NELL1: variants seen among roughly 807,000 people sequenced by gnomAD.
NELL1 encodes protein kinase C-binding protein NELL1.
NELL1 carries 76 observed loss-of-function variants against 107.4 expected under a neutral mutation model. The ratio of observed to expected loss-of-function variants is 0.71; its 90% CI spans 0.59 to 0.86. The LOEUF (loss-of-function observed/expected upper bound fraction) is 0.86, where lower values mean the gene tolerates loss of function less well. Ranked by LOEUF, NELL1 falls within the 40% of genes least tolerant of loss-of-function variation. The pLI is 0.00. For missense variants in NELL1, 1,024 were observed against 1,005.5 expected, an observed-to-expected ratio of 1.02 and a Z score of -0.25; for synonymous variants, 353 against 341.2, an observed-to-expected ratio of 1.03 and a Z score of -0.38.
At chr11:21,491,521 T>C (rs1854812165) in intron 15 of NELL1, among the ~76,000 whole-genome samples, 1 of 152,150 alleles carries the variant, frequency 6.6e-6, no homozygotes, top group African/African-American at 2.4e-5. Flanking sequence ...TAAGCGGCGC[T>C]ATTTCTGAGG....
At chr11:21,307,268 T>G (rs1326382110) in intron 14 of NELL1, among the ~76,000 whole-genome samples, 3 of 151,982 alleles carry the variant, frequency 2.0e-5, no homozygotes, top group Non-Finnish European at 4.4e-5. Context: ...TATATCTGAT[T>G]TACTGTAGAT....
At position 20,759,536 on chromosome 11, in the gene NELL1, C is replaced by T. The variant is rs568219699; in HGVS notation, c.185-24144C>T. ...CAAGCATAACCTCTCGTGTTTTGTG[C>T]GTCATCTCAGGAATCTAAGTCTTTC... is the stretch of plus-strand genomic sequence containing the variant. On this transcript the variant is annotated intron_variant, in intron 2 of 19. Coordinates refer to ENST00000357134, the MANE Select transcript of NELL1 (RefSeq NM_006157.5). Among the ~76,000 whole-genome samples, 20 of 152,278 alleles carry T rather than the reference C, an allele frequency of 1.3e-4. No individual in the cohort carries two copies. In the South Asian group the frequency reaches 3.1e-3, roughly 24 times the overall value.
intron 12 of NELL1, among the ~76,000 whole-genome samples, chr11:21,062,575 C>A (rs1371290367): frequency 1.3e-5 from 2 of 152,140 alleles, no homozygotes; most frequent in African/African-American, 2.4e-5. Context: ...GTTTGAGGGA[C>A]TATATTCCAA....
At chr11:21,092,871 G>C (rs1343285890) in intron 12 of NELL1, among the ~76,000 whole-genome samples, 1 of 152,124 alleles carries the variant, frequency 6.6e-6, no homozygotes, top group East Asian at 1.9e-4. Flanking sequence ...ATAGCTCTAG[G>C]ATGATAGCAT....
intron 14 of NELL1, among the ~76,000 whole-genome samples, chr11:21,301,401 C>T (rs1478100791): frequency 6.6e-6 from 1 of 152,140 alleles, no homozygotes; most frequent in East Asian, 1.9e-4. Context: ...TCCTCTCCAG[C>T]ACCTATTGTT....
intron 13 of NELL1, among the ~76,000 whole-genome samples, chr11:21,162,195 C>T (rs1856387930): frequency 1.3e-5 from 2 of 152,106 alleles, no homozygotes; most frequent in African/African-American, 4.8e-5. Flanking sequence ...ATGATCTGCC[C>T]TCCTTGGCCT....
intron 15 of NELL1, among the ~76,000 whole-genome samples, chr11:21,384,580 G>A (rs1474393296): frequency 1.3e-5 from 2 of 151,964 alleles, no homozygotes; most frequent in East Asian, 2.0e-4. Context: ...ATATCTCCCA[G>A]TGCTATCCCT....
At position 21,365,114 on chromosome 11, in the gene NELL1, G is replaced by T. The variant is rs558235848; in HGVS notation, c.1550-5739G>T. On this transcript the variant is annotated intron_variant, in intron 14 of 19. Coordinates refer to ENST00000357134, the MANE Select transcript of NELL1 (RefSeq NM_006157.5). ...CATAGTTAATCATTTTCTCCTCTTT[G>T]TTCTTTCAACACTGTGTTCGTGCTA... Among the ~76,000 whole-genome samples, 5 of 152,146 alleles carry T rather than the reference G, an allele frequency of 3.3e-5. No individual in the cohort carries two copies. In the East Asian group the frequency reaches 9.7e-4, roughly 29 times the overall value.
intron 15 of NELL1, among the ~76,000 whole-genome samples, chr11:21,442,640 T>C (rs1033345115): frequency 6.6e-6 from 1 of 152,230 alleles, no homozygotes; most frequent in African/African-American, 2.4e-5. Context: ...GCACTTCTTA[T>C]GTGCATGGAA....
chr11:21,056,260 A>G (rs1323719606), intron 12 of NELL1, among the ~76,000 whole-genome samples: 2 of 152,192 alleles, frequency 1.3e-5, no homozygotes, highest in African/African-American at 2.4e-5. Flanking sequence ...GTCCCTTCCA[A>G]GAATAATATG....
At chr11:21,153,100 C>T (rs1342918340) in intron 13 of NELL1, among the ~76,000 whole-genome samples, 3 of 152,110 alleles carry the variant, frequency 2.0e-5, no homozygotes, top group African/African-American at 7.2e-5. Context: ...TCCCTCTTAA[C>T]GTTCTTAGAG....
intron 13 of NELL1, among the ~76,000 whole-genome samples, chr11:21,133,270 G>T (rs1855665854): frequency 6.6e-6 from 1 of 152,174 alleles, no homozygotes; most frequent in South Asian, 2.1e-4. Context: ...GGCTCCAGAA[G>T]GGAGGAAGTA....
intron 15 of NELL1, among the ~76,000 whole-genome samples, chr11:21,482,157 C>G (rs192705865): frequency 6.6e-6 from 1 of 152,246 alleles, no homozygotes; most frequent in African/African-American, 2.4e-5. Flanking sequence ...TAGCAGAAAC[C>G]AGAGTAGGCA....
At chr11:20,748,423 C>T (rs901529443) in intron 2 of NELL1, among the ~76,000 whole-genome samples, 1 of 152,120 alleles carries the variant, frequency 6.6e-6, no homozygotes, top group African/African-American at 2.4e-5. Context: ...ATTTCAGTAG[C>T]TTTTGGGATA....
chr11:21,260,464 G>A (rs543320049), intron 14 of NELL1: 2 of 152,012 alleles, frequency 1.3e-5, no homozygotes, highest in East Asian at 1.9e-4. Context: ...GCATCCTGAT[G>A]TATTTAGTTT....
At chr11:21,186,716 ATCACTGGAACATCCAGCAAT>A (rs1565101362) in intron 13 of NELL1, among the ~76,000 whole-genome samples, 3 of 152,012 alleles carry the variant, frequency 2.0e-5, no homozygotes, top group African/African-American at 7.3e-5. Context: ...TCATTTTTAT[ATCACTGGAACATCCAGCAAT>A]GCAAGCCTTG....
chr11:21,468,903 C>A (rs1253407948), intron 15 of NELL1, among the ~76,000 whole-genome samples: 1 of 152,070 alleles, frequency 6.6e-6, no homozygotes, highest in Non-Finnish European at 1.5e-5. Flanking sequence ...CTCTGCCTAG[C>A]ATGACAGGGA....
At chr11:20,689,192 T>C (rs1336652988) in intron 2 of NELL1, among the ~76,000 whole-genome samples, 1 of 152,126 alleles carries the variant, frequency 6.6e-6, no homozygotes, top group African/African-American at 2.4e-5. Flanking sequence ...GTTGGATGCA[T>C]AGTTTGCAAA....
chr11:21,336,070 T>A (rs1450110542), intron 14 of NELL1, among the ~76,000 whole-genome samples: 2 of 152,162 alleles, frequency 1.3e-5, no homozygotes, highest in African/African-American at 2.4e-5. Context: ...ATTATTTATA[T>A]ACAACCTTAG....
Sources: gnomAD v4.1 joint callset for allele counts (sites outside exome capture counted in the v4.1 genomes callset) on GRCh38, gnomAD v4.1.1 for gene constraint, MANE v1.5 for transcripts, NCBI Gene and HGNC (gene_info 2026-07-23, HGNC 2026-07-21) for gene names.